Variants in CTNND2 observed in about 807,000 individuals in gnomAD.
CTNND2 encodes catenin delta 2, also known as catenin delta-2.
Under a neutral mutation model 144.4 loss-of-function variants are expected in CTNND2, and 22 were observed. The observed-to-expected ratio is 0.15, with a 90% CI of 0.11 to 0.22. The LOEUF (loss-of-function observed/expected upper bound fraction) is 0.22, where lower values mean the gene tolerates loss of function less well. CTNND2 is among the 10% of genes least tolerant of loss of function. The probability of loss-of-function intolerance (pLI) is 1.00; values close to 1 mark genes in which losing one functional copy is unlikely to be tolerated. For missense variants in CTNND2, 1,353 were observed against 1,618.8 expected, an observed-to-expected ratio of 0.84 and a Z score of 2.82; for synonymous variants, 751 against 695.6, an observed-to-expected ratio of 1.08 and a Z score of -1.25.
At chr5:10,987,636 T>C (rs944040890) in intron 20 of CTNND2, among the ~76,000 whole-genome samples, 4 of 149,064 alleles carry the variant, frequency 2.7e-5, no homozygotes, top group African/African-American at 5.0e-5. Context: ...CCCTCCTCTT[T>C]CCATTCCCCG....
intron 7 of CTNND2, among the ~76,000 whole-genome samples, chr5:11,379,298 G>A (rs1371434946): frequency 6.6e-6 from 1 of 151,966 alleles, no homozygotes; most frequent in African/African-American, 2.4e-5. Context: ...TACATCCTTC[G>A]TGTTTTTCTC....
At chr5:11,277,529 T>TATTTATTTATTTATTC (rs1554019023) in intron 9 of CTNND2, among the ~76,000 whole-genome samples, 4,126 of 149,262 alleles carry the variant, frequency 0.028, 109 homozygotes, top group South Asian at 0.062. Flanking sequence ...TTTATTTATT[T>TATTTATTTATTTATTC]ATTTATTTAT....
At chr5:11,412,964 G>A (rs1367944918) in intron 3 of CTNND2, among the ~76,000 whole-genome samples, 1 of 152,138 alleles carries the variant, frequency 6.6e-6, no homozygotes, top group East Asian at 1.9e-4. Context: ...CTGTACCTTA[G>A]AGGTGGGTTC....
chr5:11,854,381 T>C (rs1795157517), intron 1 of CTNND2, among the ~76,000 whole-genome samples: 5 of 152,224 alleles, frequency 3.3e-5, no homozygotes, highest in Admixed American at 3.3e-4. Context: ...TTGCTGTTTA[T>C]TGTCACCCTC....
chr5:11,546,897 T>C (rs1775283323), intron 3 of CTNND2, among the ~76,000 whole-genome samples: 1 of 152,182 alleles, frequency 6.6e-6, no homozygotes, highest in Non-Finnish European at 1.5e-5. Context: ...ACAGCAGGTA[T>C]TAGGAGAGCT....
chr5:11,670,007 G>T (rs1581697393), intron 2 of CTNND2, among the ~76,000 whole-genome samples: 1 of 151,968 alleles, frequency 6.6e-6, no homozygotes, highest in South Asian at 2.1e-4. Context: ...TTCATTAATT[G>T]CTCAGTAGTT....
At chr5:11,617,171 T>C (rs890747178) in intron 2 of CTNND2, among the ~76,000 whole-genome samples, 6 of 152,314 alleles carry the variant, frequency 3.9e-5, no homozygotes, top group Admixed American at 3.3e-4. Context: ...CTAAAAACCA[T>C]ACACATAATA....
At chr5:11,870,860 T>C (rs1391012842) in intron 1 of CTNND2, among the ~76,000 whole-genome samples, 1 of 152,198 alleles carries the variant, frequency 6.6e-6, no homozygotes, top group Non-Finnish European at 1.5e-5. Flanking sequence ...CTCTGTAATC[T>C]CAATTTATGG....
chr5:11,155,256 AAAC>A (rs1372324549), intron 12 of CTNND2, among the ~76,000 whole-genome samples: 1 of 152,224 alleles, frequency 6.6e-6, no homozygotes, highest in Non-Finnish European at 1.5e-5. Flanking sequence ...ATGTGCAAGG[AAAC>A]AACAATGAGT....
chr5:11,485,431 A>G (rs941713695), intron 3 of CTNND2, among the ~76,000 whole-genome samples: 9 of 151,860 alleles, frequency 5.9e-5, no homozygotes, highest in African/African-American at 1.5e-4. Flanking sequence ...TATCTATTTT[A>G]ATTCTTTTTC....
chr5:11,891,775 G>T (rs763511716), intron 1 of CTNND2, among the ~76,000 whole-genome samples: 44 of 152,164 alleles, frequency 2.9e-4, no homozygotes, highest in Non-Finnish European at 5.3e-4. Flanking sequence ...CACAATTTAG[G>T]GCAGCCTGAG....
At chr5:11,902,786 AAAG>A (rs766528797) in intron 1 of CTNND2, among the ~76,000 whole-genome samples, 2 of 152,174 alleles carry the variant, frequency 1.3e-5, no homozygotes, top group Non-Finnish European at 2.9e-5. Flanking sequence ...CAAGAAAAGA[AAAG>A]AAAAAAAAAC....
chr5:11,798,664 C>T (rs531163411), intron 1 of CTNND2, among the ~76,000 whole-genome samples: 5 of 151,960 alleles, frequency 3.3e-5, no homozygotes, highest in African/African-American at 7.2e-5. Flanking sequence ...CTACTCGGGA[C>T]GCTGAGGCAG....
chr5:11,490,117 G>GTT (rs753699621), intron 3 of CTNND2, among the ~76,000 whole-genome samples: 19 of 152,102 alleles, frequency 1.2e-4, no homozygotes, highest in Non-Finnish European at 2.8e-4. Flanking sequence ...TGTCTTTATT[G>GTT]TTTTAACATT....
At chr5:11,321,632 C>T (rs530539032) in intron 9 of CTNND2, among the ~76,000 whole-genome samples, 2 of 152,230 alleles carry the variant, frequency 1.3e-5, no homozygotes, top group South Asian at 2.1e-4. Flanking sequence ...AGTAATACAG[C>T]TGCAAGAGAA....
chr5:11,030,754 GTTTTT>G (rs61312361), intron 16 of CTNND2, among the ~76,000 whole-genome samples: 100 of 100,756 alleles, frequency 9.9e-4, no homozygotes, highest in Admixed American at 2.7e-3. Flanking sequence ...TATGGTTTCT[GTTTTT>G]TTTTTTTTTT....
At chr5:11,219,301 C>T (rs892941630) in intron 10 of CTNND2, among the ~76,000 whole-genome samples, 1 of 152,226 alleles carries the variant, frequency 6.6e-6, no homozygotes, top group Non-Finnish European at 1.5e-5. Context: ...TTCAAGATCA[C>T]CATGTTTCCT....
intron 3 of CTNND2, among the ~76,000 whole-genome samples, chr5:11,431,081 C>A (rs956973976): frequency 6.6e-6 from 1 of 152,110 alleles, no homozygotes; most frequent in South Asian, 2.1e-4. Flanking sequence ...TAAATCATAT[C>A]GGGCAGCTAT....
chr5:11,064,112 G>A (rs1747294098), intron 16 of CTNND2, among the ~76,000 whole-genome samples: 1 of 152,126 alleles, frequency 6.6e-6, no homozygotes, highest in Non-Finnish European at 1.5e-5. Flanking sequence ...GGGGAGGGCT[G>A]GAAGAAATGG....
Sources: gnomAD v4.1 joint callset for allele counts (sites outside exome capture counted in the v4.1 genomes callset) on GRCh38, gnomAD v4.1.1 for gene constraint, MANE v1.5 for transcripts, NCBI Gene and HGNC (gene_info 2026-07-23, HGNC 2026-07-21) for gene names.